Variants in SPATA13 observed in about 807,000 individuals in gnomAD.
SPATA13 encodes the protein spermatogenesis-associated protein 13.
Under a neutral mutation model 104.0 loss-of-function variants are expected in SPATA13, and 50 were observed. The observed-to-expected ratio is 0.48, with a 90% CI of 0.38 to 0.61. SPATA13 has a LOEUF of 0.61. SPATA13 is among the 20% of genes least tolerant of loss of function. The pLI is 0.00. For synonymous variants in SPATA13, 606 were observed against 667.5 expected (o/e 0.91, Z 1.42); for missense variants, 1,524 against 1,690.6 (o/e 0.90, Z 1.73).
intron 3 of SPATA13, among the ~76,000 whole-genome samples, chr13:24,077,145 C>G (rs1053618758): frequency 3.3e-5 from 5 of 151,474 alleles, no homozygotes; most frequent in Non-Finnish European, 7.4e-5. Context: ...TAGCAAATAG[C>G]TGTTTCTACC....
intron 3 of SPATA13, among the ~76,000 whole-genome samples, chr13:24,151,637 T>C (rs1292623832): frequency 6.6e-6 from 1 of 152,224 alleles, no homozygotes. Context: ...GTGTTGGGTC[T>C]GGAACTCAAC....
intron 3 of SPATA13, among the ~76,000 whole-genome samples, chr13:24,112,619 C>T (rs1880681750): frequency 6.6e-6 from 1 of 152,136 alleles, no homozygotes; most frequent in African/African-American, 2.4e-5. Context: ...ATGTTCTTAT[C>T]AGCTAAACAC....
At chr13:24,159,029 CT>C (rs1367635362), upstream of SPATA13, among the ~76,000 whole-genome samples, 3 of 152,106 alleles carry the variant, frequency 2.0e-5, no homozygotes, top group African/African-American at 7.2e-5. Context: ...CAGAAATAAC[CT>C]TTTGAAACAC....
chr13:24,160,732 G>C lies in SPATA13; in HGVS notation c.-312G>C, dbSNP rs1462281840. On this transcript the variant is annotated 5_prime_UTR_variant, in exon 1 of 13. Transcript: ENST00000382108. The stretch of plus-strand genomic sequence containing the variant: ...GCGTGGCTTGGCTGAGTGTGCTGCC[G>C]CGGCGCGGGAGGAGAGTGTGCGTTG... The C allele has an allele frequency of 9.1e-6, 9 of 985,710 alleles. No homozygotes were observed. Among genetic ancestry groups the C allele is most frequent in the East Asian group, 1.1e-4 (1 of 8,784 alleles). The allele number at this position is 985,710 out of a possible 1,614,324, so 61.1% of individuals were successfully genotyped here.
chr13:24,259,572 C>T (rs970945448), intron 4 of SPATA13, among the ~76,000 whole-genome samples: 3 of 152,198 alleles, frequency 2.0e-5, no homozygotes, highest in African/African-American at 7.2e-5. Context: ...TGAATGTATA[C>T]ATCCCCTTAG....
intron 3 of SPATA13, among the ~76,000 whole-genome samples, chr13:24,072,847 T>C (rs1879215504): frequency 6.9e-6 from 1 of 145,384 alleles, no homozygotes; most frequent in Admixed American, 6.9e-5. Context: ...TTTTTTTACA[T>C]CCCCTTAAGT....
intron 3 of SPATA13, among the ~76,000 whole-genome samples, chr13:24,047,769 T>G (rs1878202384): frequency 6.6e-6 from 1 of 152,182 alleles, no homozygotes; most frequent in African/African-American, 2.4e-5. Context: ...AGAATCTGTA[T>G]AGATATATGG....
chr13:24,022,262 C>T (rs1196610655), intron 3 of SPATA13, among the ~76,000 whole-genome samples: 1 of 151,704 alleles, frequency 6.6e-6, no homozygotes, highest in African/African-American at 2.4e-5. Flanking sequence ...TCTCGAACTC[C>T]TGACCTCAGG....
chr13:24,251,538 A>C, intron 3 of SPATA13, 180 bp from the exon 4 acceptor site: 1 of 985,420 alleles, frequency 1.0e-6, no homozygotes, highest in Non-Finnish European at 1.2e-6. Flanking sequence ...CAGGATTGTT[A>C]AAAACTGTAG....
chr13:24,119,600 AG>A (rs1000393979), intron 3 of SPATA13, among the ~76,000 whole-genome samples: 3 of 152,314 alleles, frequency 2.0e-5, no homozygotes, highest in Admixed American at 6.5e-5. Context: ...AGCTCTCTAA[AG>A]GGTCCTCAAA....
At chr13:24,260,917 T>A (rs145049972) in intron 4 of SPATA13, among the ~76,000 whole-genome samples, 2 of 152,238 alleles carry the variant, frequency 1.3e-5, no homozygotes, top group Non-Finnish European at 2.9e-5. Flanking sequence ...TTAAGTTATG[T>A]TCATGGCATG....
rs34983901 is a variant in SPATA13, at chr13:24,103,484, C to CAAA, written c.-112+85799_-112+85801dup. On this transcript the variant is annotated intron_variant, in intron 3 of 14. Coordinates refer to the SPATA13 transcript ENST00000424834. ...TGGGCAACAGAGCAAGACCCTGTCT[C>CAAA]AAAAAAAAAAAAAAAAAACAAGAAA... 9.9e-3 allele frequency among the ~76,000 whole-genome samples: 693 copies of CAAA among 69,792 alleles called. 26 individuals are homozygous for CAAA. The highest frequency in any genetic ancestry group is 0.041 in the African/African-American group (592 of 14,456). The allele number at this position is 69,792 out of a possible 152,430, so 45.8% of individuals were successfully genotyped here.
intron 1 of SPATA13, among the ~76,000 whole-genome samples, chr13:24,219,300 A>C (rs1871442366): frequency 6.6e-6 from 1 of 152,256 alleles, no homozygotes; most frequent in Non-Finnish European, 1.5e-5. Flanking sequence ...TCTTAGCAGC[A>C]CACAACAATC....
intron 1 of SPATA13, among the ~76,000 whole-genome samples, chr13:24,171,099 G>A (rs1882948224): frequency 6.6e-6 from 1 of 151,958 alleles, no homozygotes; most frequent in Admixed American, 6.6e-5. Context: ...AATTTTAGTT[G>A]GAAATACATT....
chr13:24,278,525 G>A, intron 4 of SPATA13: 1 of 844,878 alleles, frequency 1.2e-6, no homozygotes, highest in Non-Finnish European at 1.7e-6. Flanking sequence ...GGATCCTCCT[G>A]CCTCAGTCTT....
At chr13:24,099,265 TA>T (rs1880181182) in intron 3 of SPATA13, among the ~76,000 whole-genome samples, 1 of 152,220 alleles carries the variant, frequency 6.6e-6, no homozygotes. Flanking sequence ...CATCTCTTTA[TA>T]ATATCATTCT....
intron 1 of SPATA13, among the ~76,000 whole-genome samples, chr13:24,191,496 G>C (rs993677329): frequency 8.0e-6 from 1 of 125,720 alleles, no homozygotes. Context: ...ACTATACATT[G>C]CTTTCTTTTT....
Position 24,223,030 on chromosome 13 carries a change from C to G in SPATA13, c.101C>G (p.Ser34Trp), listed in dbSNP as rs916480030. The G allele has an allele frequency of 3.2e-6, 5 of 1,551,678 alleles. No homozygotes were observed. The highest frequency in any genetic ancestry group is 4.4e-6 in the Non-Finnish European group (5 of 1,146,970). The change falls in exon 2 of 13, where the codon TCG becomes TGG. Residue 34 changes from serine to tryptophan, a missense_variant. Coordinates refer to ENST00000382108, the MANE Select transcript of SPATA13 (RefSeq NM_001166271.3). ...GPGPAAPCAG[S>W]DLKDAKMVTS... ...GGCCCCGCAGCCCCCTGTGCAGGCTCGGACCTGAAAGACGCCAAGATGGTG... is the reference window on the plus strand; with the variant it reads ...GGCCCCGCAGCCCCCTGTGCAGGCTGGGACCTGAAAGACGCCAAGATGGTG...
chr13:23,992,597 A>G (rs1170459754), intron 2 of SPATA13, among the ~76,000 whole-genome samples: 1 of 152,170 alleles, frequency 6.6e-6, no homozygotes, highest in Non-Finnish European at 1.5e-5. Flanking sequence ...TGGCAGGGGT[A>G]GTCCCATGTA....
Sources: allele counts gnomAD v4.1 joint callset (sites outside exome capture counted in the v4.1 genomes callset), GRCh38; gene constraint gnomAD v4.1.1; transcripts MANE v1.5; gene names NCBI Gene and HGNC (gene_info 2026-07-23, HGNC 2026-07-21).